The following EPB41L3 variants were observed in gnomAD, a reference collection of about 807,000 sequenced individuals.
EPB41L3 encodes the protein band 4.1-like protein 3.
EPB41L3 carries 57 observed loss-of-function variants against 127.1 expected under a neutral mutation model. The ratio of observed to expected loss-of-function variants is 0.45; its 90% confidence interval spans 0.36 to 0.56. The LOEUF (loss-of-function observed/expected upper bound fraction) is 0.56. Among genes scored for constraint, EPB41L3 ranks in the 20% least tolerant of loss-of-function variants. The pLI is 0.00. For missense variants in EPB41L3, 1,273 were observed against 1,372.2 expected (o/e 0.93, Z 1.14); for synonymous variants, 572 against 549.5 (o/e 1.04, Z -0.57).
chr18:5,579,132 A>T (rs1054953472), intron 3 of EPB41L3, among the ~76,000 whole-genome samples: 7 of 152,246 alleles, frequency 4.6e-5, no homozygotes, highest in African/African-American at 1.7e-4. Context: ...CACAATAAAA[A>T]ATCTCAGAGA....
Position 5,429,962 on chromosome 18 carries a change from G to A in EPB41L3, c.913-1497C>T, listed in dbSNP as rs557334352. Reference sequence around the variant, plus strand: ...CAGAGTGCAGGAACGAGGACGCACTGCCAGAATCACTGCTCTTTGACTCAT... The same window carrying A: ...CAGAGTGCAGGAACGAGGACGCACTACCAGAATCACTGCTCTTTGACTCAT... On this transcript the variant is annotated intron_variant, in intron 8 of 22. Transcript: ENST00000341928. Among the ~76,000 whole-genome samples the A allele has an allele frequency of 5.9e-5, 9 of 152,304 alleles. No individual in the cohort carries two copies. The South Asian group carries it at 1.5e-3, about 25-fold the overall frequency.
intron 22 of EPB41L3, 106 bp downstream of exon 22, chr18:5,394,571 C>T: frequency 1.3e-6 from 1 of 791,136 alleles, no homozygotes; most frequent in East Asian, 2.5e-5. Context: ...CAACAAATGC[C>T]AGTGAGAGAA....
chr18:5,611,244 C>T (rs546162710), intron 3 of EPB41L3, among the ~76,000 whole-genome samples: 18 of 152,324 alleles, frequency 1.2e-4, no homozygotes, highest in Middle Eastern at 3.4e-3. Flanking sequence ...AGAAACTACA[C>T]GTGTCCATTG....
Position 5,423,484 on chromosome 18 carries a change from C to T in EPB41L3, c.1233G>A (p.Arg411=). The T allele has an allele frequency of 6.2e-7, 1 of 1,613,816 alleles. No homozygotes were observed. The highest frequency in any genetic ancestry group is 8.5e-7 in the Non-Finnish European group (1 of 1,179,806). Residue 411 remains arginine, a synonymous_variant, in exon 11 of 23, where the codon AGG becomes AGA. Coordinates refer to ENST00000341928, the MANE Select transcript of EPB41L3 (RefSeq NM_012307.5). ...TGGCTCTTCTCGTTTGCGCTTGTGT[C>T]CTGCCACTATAACGAAACTTGGAAC... ...TLGSKFRYSG[R]TQAQTRRASA... is the part of the protein sequence containing the mutation.
At chr18:5,531,206 T>A (rs932344234) in intron 1 of EPB41L3, among the ~76,000 whole-genome samples, 1 of 152,236 alleles carries the variant, frequency 6.6e-6, no homozygotes, top group Non-Finnish European at 1.5e-5. Context: ...GGTTCACTGA[T>A]GTGTTTTAGT....
At chr18:5,532,216 A>G (rs1354084575) in intron 1 of EPB41L3, among the ~76,000 whole-genome samples, 1 of 152,224 alleles carries the variant, frequency 6.6e-6, no homozygotes, top group Non-Finnish European at 1.5e-5. Flanking sequence ...CTGGGCTCTG[A>G]TTATGCTCAG....
intron 3 of EPB41L3, among the ~76,000 whole-genome samples, chr18:5,593,669 C>T (rs143672538): frequency 0.011 from 1,711 of 152,210 alleles, 24 homozygotes; most frequent in African/African-American, 0.033. Flanking sequence ...ATTTCCTCGT[C>T]CTAATAAGCC....
chr18:5,430,941 C>T (rs1176682753), intron 8 of EPB41L3, among the ~76,000 whole-genome samples: 1 of 152,010 alleles, frequency 6.6e-6, no homozygotes, highest in Admixed American at 6.6e-5. Flanking sequence ...ATGTGCACTC[C>T]CTTTAGCAAG....
intron 3 of EPB41L3, among the ~76,000 whole-genome samples, chr18:5,566,899 G>A (rs534352027): frequency 5.9e-5 from 9 of 151,926 alleles, no homozygotes; most frequent in Non-Finnish European, 8.8e-5. Context: ...TCTGCCTCCC[G>A]GGTTCAAGCA....
At chr18:5,433,399 G>A in intron 8 of EPB41L3, 70 bp downstream of exon 8, 1 of 1,105,966 alleles carries the variant, frequency 9.0e-7, no homozygotes, top group East Asian at 2.5e-5. Context: ...AAAATCACCA[G>A]CTTACAGTAA....
At position 5,407,702 on chromosome 18, in the gene EPB41L3, T is replaced by C; in HGVS notation, c.2156A>G (p.Gln719Arg). 6.2e-7 allele frequency: 1 copy of C among 1,613,886 alleles called. No individual in the cohort carries two copies. Among genetic ancestry groups the C allele is most frequent in the Non-Finnish European group, 8.5e-7 (1 of 1,179,872 alleles). Residue 719 changes from glutamine to arginine, a missense_variant and splice_region_variant, in exon 15 of 23, where the codon CAG becomes CGG. Physicochemically the swap from Gln to Arg is conservative, Grantham distance 43. Transcript: ENST00000341928. ...TTTGTTTTATTTTTAATTTTCTACC[T>C]GTGCCTTGAGCTCTGCATCTTCCTC... ...DQEEDAELKA[Q>R]ELEKTQDDLM...
At chr18:5,500,351 G>A (rs1339744158) in intron 1 of EPB41L3, among the ~76,000 whole-genome samples, 1 of 152,302 alleles carries the variant, frequency 6.6e-6, no homozygotes, top group East Asian at 1.9e-4. Context: ...CTGCATCTGT[G>A]AGAAAGGAGG....
intron 3 of EPB41L3, among the ~76,000 whole-genome samples, chr18:5,446,114 C>T (rs977704011): frequency 1.3e-5 from 2 of 152,194 alleles, no homozygotes; most frequent in African/African-American, 2.4e-5. Context: ...CTAAGGACCA[C>T]TTTCTAAAAT....
At chr18:5,605,043 C>T (rs1056198712) in intron 3 of EPB41L3, among the ~76,000 whole-genome samples, 2 of 152,144 alleles carry the variant, frequency 1.3e-5, no homozygotes, top group Admixed American at 1.3e-4. Flanking sequence ...CAGGTCACAC[C>T]TCCTCCTGGG....
intron 1 of EPB41L3, among the ~76,000 whole-genome samples, chr18:5,626,056 T>G (rs2094920314): frequency 6.6e-6 from 1 of 152,106 alleles, no homozygotes; most frequent in African/African-American, 2.4e-5. Flanking sequence ...TTCCCCTGTC[T>G]CGTCGCTGCT....
At chr18:5,430,533 A>G (rs556657213) in intron 8 of EPB41L3, among the ~76,000 whole-genome samples, 1 of 151,720 alleles carries the variant, frequency 6.6e-6, no homozygotes, top group Admixed American at 6.6e-5. Context: ...CACAGCCCAC[A>G]GTATTGAGGT....
intron 19 of EPB41L3, 44 bp downstream of exon 19, chr18:5,396,157 G>C: frequency 6.2e-7 from 1 of 1,612,646 alleles, no homozygotes; most frequent in Non-Finnish European, 8.5e-7. Context: ...CCATAGAGGG[G>C]TGAAATAAGC....
chr18:5,617,884 G>A (rs2094816547), intron 1 of EPB41L3, among the ~76,000 whole-genome samples: 1 of 152,156 alleles, frequency 6.6e-6, no homozygotes, highest in Non-Finnish European at 1.5e-5. Flanking sequence ...AGACAGATGA[G>A]GGATTCAAGA....
At chr18:5,432,626 T>C (rs1365797490) in intron 8 of EPB41L3, among the ~76,000 whole-genome samples, 1 of 152,188 alleles carries the variant, frequency 6.6e-6, no homozygotes, top group African/African-American at 2.4e-5. Flanking sequence ...AAAAGACTAG[T>C]AGTCCTATCT....
Sources: gnomAD v4.1 joint callset for allele counts (sites outside exome capture counted in the v4.1 genomes callset) on GRCh38, gnomAD v4.1.1 for gene constraint, MANE v1.5 for transcripts, NCBI Gene and HGNC (gene_info 2026-07-23, HGNC 2026-07-21) for gene names.